Variants in RAG1 observed in about 807,000 individuals in gnomAD.
The protein encoded by RAG1 is recombination activating 1.
A neutral mutation model predicts 62.7 loss-of-function variants in RAG1; 35 were observed. The ratio of observed to expected loss-of-function variants is 0.56; its 90% CI spans 0.43 to 0.74. The LOEUF is 0.74. RAG1 is among the 30% of genes least tolerant of loss of function. The pLI is 0.00. For synonymous variants in RAG1, 461 were observed against 470.3 expected (o/e 0.98, Z 0.26); for missense variants, 1,169 against 1,278.6 (o/e 0.91, Z 1.31).
At position 36,575,846 on chromosome 11, in the gene RAG1, C is replaced by A. The variant is rs999020322; in HGVS notation, c.2542C>A (p.Pro848Thr). 2.5e-6 allele frequency: 4 copies of A among 1,614,098 alleles called. No individual in the cohort carries two copies. The highest frequency in any genetic ancestry group is 3.4e-6 in the Non-Finnish European group (4 of 1,180,048). Residue 848 changes from proline to threonine, a missense_variant, in exon 2 of 2, where the codon CCA (proline) becomes ACA (threonine). Transcript: ENST00000299440. The surrounding 1 kb of genome is among the most constrained non-coding windows in gnomAD (Gnocchi z 4.1). ...TCTCCGGAAGAAGATGAACCTCAAA[C>A]CAATCATGAGGATGAATGGCAACTT... ...KHLRKKMNLK[P>T]IMRMNGNFAR...
At chr11:36,558,154 T>G (rs1192532250) in intron 3 of RAG1, among the ~76,000 whole-genome samples, 1 of 152,224 alleles carries the variant, frequency 6.6e-6, no homozygotes, top group Admixed American at 6.5e-5. Flanking sequence ...ATGATTTCAG[T>G]TTTAAAAAAT....
chr11:36,575,333 C>A lies in RAG1; in HGVS notation c.2029C>A (p.Pro677Thr), dbSNP rs773165685. 4 of 1,614,122 alleles carry A rather than the reference C, an allele frequency of 2.5e-6. No individual in the cohort carries two copies. The highest frequency in any genetic ancestry group is 3.4e-6 in the Non-Finnish European group (4 of 1,180,024). ...DHETLTAILS[P>T]LIAEREAMKS... ...CGAGACGCTGACTGCCATCCTGAGT[C>A]CTCTCATTGCTGAGAGGGAGGCCAT... The change falls in exon 2 of 2, where the codon CCT becomes ACT. Residue 677 changes from proline to threonine, a missense_variant. Physicochemically the swap from Pro to Thr is conservative, Grantham distance 38. Around this residue, in one of 2 missense-constraint regions of RAG1, gnomAD observed 800 missense variants for 943.3 expected, o/e 0.85. Coordinates refer to ENST00000299440, the MANE Select transcript of RAG1 (RefSeq NM_000448.3). The surrounding 1 kb of genome is among the most constrained non-coding windows in gnomAD (Gnocchi z 4.1).
chr11:36,534,417 G>C (rs1860296992), intron 2 of RAG1, among the ~76,000 whole-genome samples: 1 of 152,196 alleles, frequency 6.6e-6, no homozygotes, highest in South Asian at 2.1e-4. Flanking sequence ...CTGGCCATGG[G>C]AAGGCTGTAC....
intron 2 of RAG1, among the ~76,000 whole-genome samples, chr11:36,533,263 C>T (rs536897150): frequency 6.6e-6 from 1 of 152,138 alleles, no homozygotes; most frequent in East Asian, 1.9e-4. Context: ...TAGTTGAGTA[C>T]TCGTAAATAA....
intron 1 of RAG1, 54 bp downstream of exon 1, chr11:36,568,176 T>G (rs1028007267): frequency 1.3e-5 from 2 of 152,234 alleles, no homozygotes; most frequent in African/African-American, 4.8e-5. Flanking sequence ...CATTTTTATG[T>G]TTCTAACTAG....
intron 2 of RAG1, among the ~76,000 whole-genome samples, chr11:36,527,678 A>G (rs541898085): frequency 1.3e-5 from 2 of 152,208 alleles, no homozygotes; most frequent in Admixed American, 6.5e-5. Flanking sequence ...TTTGGGCAGT[A>G]TGGCCATTTT....
At chr11:36,517,394 A>C (rs1860010288) in intron 1 of RAG1, among the ~76,000 whole-genome samples, 1 of 152,190 alleles carries the variant, frequency 6.6e-6, no homozygotes, top group African/African-American at 2.4e-5. Flanking sequence ...ACTAAATGCA[A>C]ATGTTTTGGG....
chr11:36,573,344 G>A lies in RAG1; in HGVS notation c.40G>A (p.Ala14Thr), dbSNP rs765396585. The change falls in exon 2 of 2, where the codon GCC (alanine) becomes ACC (threonine). Residue 14 changes from alanine to threonine, a missense_variant. Physicochemically the swap from Ala to Thr is moderately conservative, Grantham distance 58 (BLOSUM62 0). Transcript: ENST00000299440. ...SFPPTLGLSS[A>T]PDEIQHPHIK... is the part of the protein sequence containing the mutation. Reference sequence around the variant, plus strand: ...CCCACCCACCTTGGGACTCAGTTCTGCCCCAGATGAAATTCAGCACCCACA... The same window carrying A: ...CCCACCCACCTTGGGACTCAGTTCTACCCCAGATGAAATTCAGCACCCACA... The A allele has an allele frequency of 6.2e-7, 1 of 1,614,068 alleles. No homozygotes were observed. Among genetic ancestry groups the A allele is most frequent in the Non-Finnish European group, 8.5e-7 (1 of 1,180,012 alleles).
chr11:36,523,194 C>G (rs1590663229), intron 2 of RAG1, among the ~76,000 whole-genome samples: 1 of 152,154 alleles, frequency 6.6e-6, no homozygotes, highest in East Asian at 1.9e-4. Flanking sequence ...CTCACCCAAA[C>G]CTCATCTTGT....
chr11:36,511,080 G>A (rs948947350), intron 1 of RAG1: 2 of 152,218 alleles, frequency 1.3e-5, no homozygotes, highest in East Asian at 3.9e-4. Flanking sequence ...TTCTCATCTC[G>A]TATTAACATG....
rs1319420569 is a variant in RAG1 at position 36,573,368 on chromosome 11, C to T, written c.64C>T (p.His22Tyr). The T allele has an allele frequency of 6.2e-7, 1 of 1,614,172 alleles. No homozygotes were observed. The highest frequency in any genetic ancestry group is 8.5e-7 in the Non-Finnish European group (1 of 1,180,034). ...TGCCCCAGATGAAATTCAGCACCCACATATTAAATTTTCAGAATGGAAATT... is the reference window on the plus strand; with the variant it reads ...TGCCCCAGATGAAATTCAGCACCCATATATTAAATTTTCAGAATGGAAATT... ...SSAPDEIQHP[H>Y]IKFSEWKFKL... The change falls in exon 2 of 2, where the codon CAT becomes TAT. Residue 22 changes from histidine (H) to tyrosine (Y), a missense_variant. Physicochemically the swap from His to Tyr is moderately conservative, Grantham distance 83 (BLOSUM62 2). Coordinates refer to ENST00000299440, the MANE Select transcript of RAG1 (RefSeq NM_000448.3).
At chr11:36,557,559 A>G (rs34608958) in intron 3 of RAG1, among the ~76,000 whole-genome samples, 3,215 of 151,490 alleles carry the variant, frequency 0.021, 94 homozygotes, top group African/African-American at 0.07. Flanking sequence ...AAATGCAGAA[A>G]TCACCCGTCT....
intron 2 of RAG1, among the ~76,000 whole-genome samples, chr11:36,531,525 T>C (rs548392721): frequency 9.2e-5 from 14 of 152,038 alleles, no homozygotes; most frequent in African/African-American, 3.4e-4. Context: ...TATATATGTA[T>C]ATATATGATT....
intron 3 of RAG1, among the ~76,000 whole-genome samples, chr11:36,544,389 T>G (rs977502104): frequency 6.6e-6 from 1 of 152,154 alleles, no homozygotes; most frequent in Non-Finnish European, 1.5e-5. Flanking sequence ...GGGCTGGAGA[T>G]AAGGAACGAA....
rs995769348 is a variant in RAG1, at chr11:36,578,336, A to G, written c.*1900A>G. ...CATTTCTAATTTAGTTGTCAAAAAC[A>G]TATACATATTTTAACATTAGTTTTT... is the stretch of plus-strand genomic sequence containing the variant. On this transcript the variant is annotated 3_prime_UTR_variant, in exon 2 of 2. Coordinates refer to ENST00000299440, the MANE Select transcript of RAG1 (RefSeq NM_000448.3). 92 of 166,936 alleles carry G rather than the reference A, an allele frequency of 5.5e-4. 1 individual carries two copies. The highest frequency in any genetic ancestry group is 2.1e-3 in the African/African-American group (86 of 41,580). 10.3% of individuals were successfully genotyped at this position (166,936 alleles called of 1,614,324 possible).
At chr11:36,564,772 G>A (rs1515060), upstream of RAG1, among the ~76,000 whole-genome samples, 23,075 of 152,186 alleles carry the variant, frequency 0.15, 1,857 homozygotes, top group Admixed American at 0.2. Context: ...CTGTCTCTCC[G>A]CCGCCAGTGC....
At chr11:36,561,446 T>G (rs540413579) in intron 3 of RAG1, among the ~76,000 whole-genome samples, 1 of 152,208 alleles carries the variant, frequency 6.6e-6, no homozygotes, top group Non-Finnish European at 1.5e-5. Flanking sequence ...ACTCCAGATT[T>G]GTTTATTAAT....
upstream of RAG1, among the ~76,000 whole-genome samples, chr11:36,566,833 TGG>T (rs1032568534): frequency 2.6e-5 from 4 of 152,126 alleles, no homozygotes; most frequent in African/African-American, 4.8e-5. Context: ...GGCTGTTGTG[TGG>T]TTAAGTAGGT....
chr11:36,566,952 C>A (rs908150863), upstream of RAG1, among the ~76,000 whole-genome samples: 17 of 152,204 alleles, frequency 1.1e-4, no homozygotes, highest in African/African-American at 3.9e-4. Flanking sequence ...GAGAATCAGA[C>A]AAGCAAGGAA....
Sources: allele counts gnomAD v4.1 joint callset (sites outside exome capture counted in the v4.1 genomes callset), GRCh38; gene constraint gnomAD v4.1.1; regional missense constraint gnomAD v4.1.1; non-coding constraint Gnocchi (gnomAD v3.1); transcripts MANE v1.5; gene names NCBI Gene and HGNC (gene_info 2026-07-23, HGNC 2026-07-21).